ATP10B: variants seen among roughly 807,000 people sequenced by gnomAD.
ATP10B encodes the protein ATPase phospholipid transporting 10B (putative), also known as phospholipid-transporting ATPase VB.
In ATP10B, 122 loss-of-function variants were observed where a neutral mutation model predicts 141.2. The ratio of observed to expected loss-of-function variants is 0.86; its 90% CI spans 0.75 to 1.00. ATP10B has a LOEUF of 1.00. ATP10B is among the 50% of genes least tolerant of loss of function. The probability of loss-of-function intolerance (pLI) is 0.00; values close to 1 mark genes in which losing one functional copy is unlikely to be tolerated. For synonymous variants in ATP10B, 685 were observed against 692.0 expected, an observed-to-expected ratio of 0.99 and a Z score of 0.16; for missense variants, 1,876 against 1,825.3, an observed-to-expected ratio of 1.03 and a Z score of -0.51.
chr5:160,654,460 C>A (rs764935515), intron 7 of ATP10B, among the ~76,000 whole-genome samples: 2 of 152,074 alleles, frequency 1.3e-5, no homozygotes, highest in African/African-American at 4.8e-5. Context: ...GCCTAGGGAG[C>A]CATTAAGACA....
chr5:160,706,012 C>T (rs753781727), intron 3 of ATP10B, among the ~76,000 whole-genome samples: 25 of 152,136 alleles, frequency 1.6e-4, no homozygotes, highest in Non-Finnish European at 3.1e-4. Context: ...AGGAGGCCCA[C>T]GAAGAGGGAG....
intron 3 of ATP10B, among the ~76,000 whole-genome samples, chr5:160,699,895 ATAT>A (rs1465727773): frequency 1.3e-5 from 2 of 152,222 alleles, no homozygotes; most frequent in African/African-American, 2.4e-5. Flanking sequence ...AATATGTAAA[ATAT>A]TATAATATAA....
At chr5:160,801,424 A>AT (rs1440608329) in intron 1 of ATP10B, among the ~76,000 whole-genome samples, 2 of 152,000 alleles carry the variant, frequency 1.3e-5, no homozygotes, top group African/African-American at 2.4e-5. Flanking sequence ...GAGATGTCTG[A>AT]TTTTTCCTTT....
At chr5:160,671,520 G>A (rs1762704491) in intron 6 of ATP10B, among the ~76,000 whole-genome samples, 2 of 152,114 alleles carry the variant, frequency 1.3e-5, no homozygotes, top group Admixed American at 1.3e-4. Flanking sequence ...GAACACTCTG[G>A]GCAGTCCAGG....
Position 160,598,892 on chromosome 5 carries a change from T to C in ATP10B, c.3442A>G (p.Ile1148Val), listed in dbSNP as rs61734662. 3,252 of 1,614,136 alleles carry C rather than the reference T, an allele frequency of 2.0e-3. 65 individuals carry two copies. In the African/African-American group the frequency reaches 0.037, roughly 18 times the overall value. ...SSTMIDYWQM[I>V]FFNLFFTSLP... Reference sequence around the variant, plus strand: ...GAGGTAAAGAAGAGATTGAAGAATATCATCTGCCAGTAATCAATCATGGTG... The same window carrying C: ...GAGGTAAAGAAGAGATTGAAGAATACCATCTGCCAGTAATCAATCATGGTG... The change falls in exon 22 of 26, where the codon ATA becomes GTA. Residue 1148 changes from isoleucine (I) to valine (V), a missense_variant. Physicochemically the swap from Ile to Val is conservative, Grantham distance 29. Transcript: ENST00000327245.
intron 3 of ATP10B, among the ~76,000 whole-genome samples, chr5:160,701,469 C>T (rs1019670454): frequency 1.4e-4 from 21 of 152,196 alleles, no homozygotes; most frequent in Non-Finnish European, 2.8e-4. Context: ...TATGTGTGTG[C>T]TCCACAGTAC....
intron 25 of ATP10B, among the ~76,000 whole-genome samples, chr5:160,567,845 ACTAGAG>A (rs1754636764): frequency 6.6e-6 from 1 of 152,202 alleles, no homozygotes; most frequent in African/African-American, 2.4e-5. Flanking sequence ...ATGATAATGG[ACTAGAG>A]TAAGATCCAA....
chr5:160,812,492 G>A (rs1370107903), intron 1 of ATP10B, among the ~76,000 whole-genome samples: 2 of 152,146 alleles, frequency 1.3e-5, no homozygotes, highest in Non-Finnish European at 2.9e-5. Context: ...GAAACTCCAA[G>A]AAATCAGGAT....
At chr5:160,778,030 G>A (rs1006945019) in intron 2 of ATP10B, among the ~76,000 whole-genome samples, 1 of 152,160 alleles carries the variant, frequency 6.6e-6, no homozygotes, top group Non-Finnish European at 1.5e-5. Context: ...ACTCTCACTG[G>A]AAGGATACAC....
intron 3 of ATP10B, among the ~76,000 whole-genome samples, chr5:160,709,020 C>T (rs373920346): frequency 1.3e-5 from 2 of 152,162 alleles, no homozygotes; most frequent in Non-Finnish European, 1.5e-5. Context: ...CAAATCAGTA[C>T]AGACAGACAG....
chr5:160,761,504 C>T (rs1284556577), intron 2 of ATP10B, among the ~76,000 whole-genome samples: 1 of 152,172 alleles, frequency 6.6e-6, no homozygotes, highest in Non-Finnish European at 1.5e-5. Context: ...CAGTCTGGCT[C>T]TTAGGAAGCC....
At chr5:160,772,024 C>G (rs1769941195) in intron 2 of ATP10B, among the ~76,000 whole-genome samples, 1 of 152,264 alleles carries the variant, frequency 6.6e-6, no homozygotes, top group Non-Finnish European at 1.5e-5. Flanking sequence ...TGAAGTGTGA[C>G]AGGTGAATAT....
At chr5:160,893,152 T>G in the ATP10B span, among the ~76,000 whole-genome samples, 1 of 148,572 alleles carries the variant, frequency 6.7e-6, no homozygotes, top group African/African-American at 2.6e-5. Context: ...GCTGCAGGAG[T>G]TTTTTTTTCA....
the ATP10B span, among the ~76,000 whole-genome samples, chr5:160,881,776 A>G: frequency 2.6e-5 from 4 of 152,078 alleles, no homozygotes; most frequent in African/African-American, 9.7e-5. Context: ...GCGCCACTGC[A>G]CTCCAGCCTG....
At chr5:160,639,311 T>A (rs1759649740) in intron 10 of ATP10B, 1 of 152,250 alleles carries the variant, frequency 6.6e-6, no homozygotes, top group Non-Finnish European at 1.5e-5. Context: ...CCAGGATATA[T>A]CCTAATCCTT....
At chr5:160,909,078 T>C in the ATP10B span, among the ~76,000 whole-genome samples, 6 of 152,146 alleles carry the variant, frequency 3.9e-5, no homozygotes, top group Admixed American at 6.5e-5. Flanking sequence ...TCACCTTAAG[T>C]GGCCTATGAT....
chr5:160,582,524 G>T (rs1391245928), intron 24 of ATP10B, among the ~76,000 whole-genome samples: 1 of 152,148 alleles, frequency 6.6e-6, no homozygotes, highest in African/African-American at 2.4e-5. Flanking sequence ...TTAGTCTGAT[G>T]GACTTCTCTT....
In ATP10B at chr5:160,647,173, A is replaced by AG. The variant is rs767344751; in HGVS notation, c.761+1997_761+1998insC. On this transcript the variant is annotated intron_variant, in intron 8 of 25. Transcript: ENST00000327245. The stretch of plus-strand genomic sequence containing the variant: ...TCAAACAGATCATTGAAAGCTGTTG[A>AG]TCTTCTAGCCAGCCTGTGCAGCCTC... Among the ~76,000 whole-genome samples, 1,073 of 152,300 alleles carry AG rather than the reference A, an allele frequency of 7.0e-3. 18 individuals are homozygous for AG. Among genetic ancestry groups the AG allele is most frequent in the African/African-American group, 0.023 (964 of 41,564 alleles).
intron 6 of ATP10B, among the ~76,000 whole-genome samples, chr5:160,671,969 C>CTTTTTTT (rs70990741): frequency 4.4e-4 from 30 of 68,408 alleles, no homozygotes; most frequent in Non-Finnish European, 5.3e-4. Context: ...GCAATGCATC[C>CTTTTTTT]TTTTTTTTTT....
Sources: gnomAD v4.1 joint callset for allele counts (sites outside exome capture counted in the v4.1 genomes callset) on GRCh38, gnomAD v4.1.1 for gene constraint, MANE v1.5 for transcripts, NCBI Gene and HGNC (gene_info 2026-07-23, HGNC 2026-07-21) for gene names.